The following ARHGAP35 variants were observed in gnomAD, a reference collection of about 807,000 sequenced individuals.
ARHGAP35 encodes rho GTPase-activating protein 35.
ARHGAP35 carries 15 observed loss-of-function variants against 111.1 expected under a neutral mutation model. The observed-to-expected ratio is 0.13, with a 90% CI of 0.09 to 0.21. ARHGAP35 has a LOEUF of 0.21. Ranked by LOEUF, ARHGAP35 falls within the 10% of genes least tolerant of loss-of-function variation. ARHGAP35 has a pLI of 1.00. For missense variants in ARHGAP35, 1,262 were observed against 1,873.0 expected (o/e 0.67, Z 6.02); for synonymous variants, 643 against 710.3 (o/e 0.91, Z 1.51).
rs766976771 is a variant in ARHGAP35 at position 46,919,751 on chromosome 19, A to G, written c.1076A>G (p.Asp359Gly). The G allele has an allele frequency of 1.2e-6, 2 of 1,614,006 alleles. No homozygotes were observed. Among genetic ancestry groups the G allele is most frequent in the Non-Finnish European group, 1.7e-6 (2 of 1,179,892 alleles). ...CTTATACCTAATCTAGATGAAATAG[A>G]CCACCTAAGCTGCATAAAAGCCAAA... Reference protein sequence around the residue: ...EALIPNLDEIDHLSCIKAKKL... With the variant: ...EALIPNLDEIGHLSCIKAKKL... Residue 359 changes from aspartate (D) to glycine (G), a missense_variant, in exon 2 of 7, where the codon GAC (aspartate) becomes GGC (glycine). By Grantham distance (94) the Asp-to-Gly change is moderately conservative. Coordinates refer to ENST00000672722, the MANE Select transcript of ARHGAP35 (RefSeq NM_004491.5). This position sits in a 1 kb window ranked among gnomAD's most constrained non-coding sequence, Gnocchi z 6.2.
At chr19:46,927,861 A>G (rs1270600227) in intron 2 of ARHGAP35, among the ~76,000 whole-genome samples, 2 of 152,116 alleles carry the variant, frequency 1.3e-5, no homozygotes, top group Admixed American at 6.5e-5. Flanking sequence ...GTGGATTTTC[A>G]TCATCCAGTC....
intron 1 of ARHGAP35, among the ~76,000 whole-genome samples, chr19:46,906,614 G>C (rs1187946292): frequency 2.0e-5 from 3 of 152,144 alleles, no homozygotes; most frequent in Non-Finnish European, 4.4e-5. Context: ...TAGAACAGAA[G>C]CTCCACTTTG....
rs972250427 is a variant in ARHGAP35, at chr19:47,000,830, C to T, written c.*142C>T. 21 of 1,540,706 alleles carry T rather than the reference C, an allele frequency of 1.4e-5. No individual in the cohort carries two copies. The highest frequency in any genetic ancestry group is 1.7e-4 in the Middle Eastern group (1 of 6,006). On this transcript the variant is annotated 3_prime_UTR_variant, in exon 7 of 7. Transcript: ENST00000672722. This position sits in a 1 kb window ranked among gnomAD's most constrained non-coding sequence, Gnocchi z 6.9. ...TACCTTCTCAAGACCTCAGTGGGAG[C>T]ACCAGCCAATGGTACCATCGGCTGG...
chr19:46,929,075 C>T (rs1217098006), intron 2 of ARHGAP35, among the ~76,000 whole-genome samples: 1 of 152,092 alleles, frequency 6.6e-6, no homozygotes, highest in African/African-American at 2.4e-5. Flanking sequence ...TAAAGATGCT[C>T]CAAGATGGTG....
chr19:47,000,618 C>T lies in ARHGAP35; in HGVS notation c.4430C>T (p.Pro1477Leu), dbSNP rs764995560. The T allele has an allele frequency of 6.2e-6, 10 of 1,611,752 alleles. No individual in the cohort carries two copies. The highest frequency in any genetic ancestry group is 8.5e-6 in the Non-Finnish European group (10 of 1,178,936). ...AGTCAGCCGTCGCCCCCACAGTCGCCTCCACCCACCCCCCAGTCCCCAATG... is the reference window on the plus strand; with the variant it reads ...AGTCAGCCGTCGCCCCCACAGTCGCTTCCACCCACCCCCCAGTCCCCAATG... ...VTSQPSPPQS[P>L]PPTPQSPMQP... Residue 1477 changes from proline to leucine, a missense_variant, in exon 7 of 7, where the codon CCT becomes CTT. Coordinates refer to ENST00000672722, the MANE Select transcript of ARHGAP35 (RefSeq NM_004491.5). This position sits in a 1 kb window ranked among gnomAD's most constrained non-coding sequence, Gnocchi z 6.9.
At chr19:46,896,202 C>T (rs114481190) in intron 1 of ARHGAP35, among the ~76,000 whole-genome samples, 1,927 of 152,144 alleles carry the variant, frequency 0.013, 43 homozygotes, top group African/African-American at 0.044. Context: ...CTCAGGAGTT[C>T]AGACCAGCCT....
chr19:46,879,390 C>T (rs2055945360), intron 1 of ARHGAP35, among the ~76,000 whole-genome samples: 1 of 151,918 alleles, frequency 6.6e-6, no homozygotes, highest in South Asian at 2.1e-4. Context: ...AGATAGAGAC[C>T]ATCCCGGCTA....
chr19:46,960,931 G>A (rs1401538252), intron 3 of ARHGAP35, among the ~76,000 whole-genome samples: 1 of 142,244 alleles, frequency 7.0e-6, no homozygotes, highest in Non-Finnish European at 1.5e-5. Flanking sequence ...TCTCACTCCT[G>A]TCCCCTAGGC....
chr19:47,003,426 G>T lies in ARHGAP35; in HGVS notation c.*2738G>T, dbSNP rs938454177. The stretch of plus-strand genomic sequence containing the variant: ...CCTGCCCAGCGAGAGCGCAGACACC[G>T]TGTGAGGGGACAGCAGCCCTTGGTG... On this transcript the variant is annotated 3_prime_UTR_variant, in exon 7 of 7. Transcript: ENST00000672722. The T allele has an allele frequency of 6.6e-6, 1 of 152,336 alleles. No homozygotes were observed. Among genetic ancestry groups the T allele is most frequent in the Non-Finnish European group, 1.5e-5 (1 of 68,118 alleles). 9.4% of individuals were successfully genotyped at this position (152,336 alleles called of 1,614,324 possible). A position where few individuals can be genotyped will look rare whatever the true frequency, so the allele number is the denominator to read the frequency against.
chr19:46,976,399 C>T lies in ARHGAP35; in HGVS notation c.3827-11590C>T, dbSNP rs576795836. 4.6e-5 allele frequency among the ~76,000 whole-genome samples: 7 copies of T among 152,298 alleles called. No homozygotes were observed. In the South Asian group the frequency reaches 1.2e-3, roughly 27 times the overall value. ...TTAGCTTGTGACTCGGCATTGCTAGCGGATTTCCTCAGGCCCCAGTGCCCT... is the reference window on the plus strand; with the variant it reads ...TTAGCTTGTGACTCGGCATTGCTAGTGGATTTCCTCAGGCCCCAGTGCCCT... On this transcript the variant is annotated intron_variant, in intron 3 of 6. Transcript: ENST00000672722.
intron 1 of ARHGAP35, among the ~76,000 whole-genome samples, chr19:46,890,544 G>A (rs1422533112): frequency 6.6e-6 from 1 of 152,204 alleles, no homozygotes; most frequent in Non-Finnish European, 1.5e-5. Context: ...ATAGTGTCAT[G>A]GCCAAAGTCA....
chr19:46,875,774 G>A (rs764277648), intron 1 of ARHGAP35, among the ~76,000 whole-genome samples: 7 of 152,132 alleles, frequency 4.6e-5, no homozygotes, highest in Non-Finnish European at 1.5e-5. Context: ...TGAGGGTGCT[G>A]CAAAGGCGGC....
At chr19:46,938,890 C>T (rs144890680) in intron 3 of ARHGAP35, among the ~76,000 whole-genome samples, 1 of 149,762 alleles carries the variant, frequency 6.7e-6, no homozygotes, top group African/African-American at 2.5e-5. Flanking sequence ...CTCCTGACCT[C>T]GTGATCCGCC....
chr19:46,969,510 G>A (rs2056533051), intron 3 of ARHGAP35, among the ~76,000 whole-genome samples: 1 of 152,104 alleles, frequency 6.6e-6, no homozygotes, highest in Admixed American at 6.6e-5. Flanking sequence ...ACTGCTTGAG[G>A]CACTGCTCCA....
chr19:46,981,926 T>C (rs563417904), intron 3 of ARHGAP35, among the ~76,000 whole-genome samples: 118 of 152,250 alleles, frequency 7.8e-4, no homozygotes, highest in Non-Finnish European at 1.4e-3. Flanking sequence ...TGGACATGGC[T>C]CACTGCAGCC....
intron 2 of ARHGAP35, among the ~76,000 whole-genome samples, chr19:46,927,546 C>G (rs553966486): frequency 6.6e-6 from 1 of 152,144 alleles, no homozygotes; most frequent in African/African-American, 2.4e-5. Flanking sequence ...AGAAGCTTAG[C>G]GTGGCTGCTC....
intron 1 of ARHGAP35, among the ~76,000 whole-genome samples, chr19:46,875,548 C>T (rs1367947559): frequency 2.6e-5 from 4 of 152,172 alleles, no homozygotes; most frequent in Admixed American, 1.3e-4. Context: ...TCATTTGCAT[C>T]TTACCAACTT....
intron 3 of ARHGAP35, among the ~76,000 whole-genome samples, chr19:46,967,952 C>T (rs1265358079): frequency 1.3e-5 from 2 of 152,222 alleles, no homozygotes; most frequent in Non-Finnish European, 2.9e-5. Flanking sequence ...ATGTCTGTCA[C>T]GCCCTGTGCT....
chr19:46,997,542 C>T (rs1286856158), intron 5 of ARHGAP35: 1 of 152,234 alleles, frequency 6.6e-6, no homozygotes, highest in Admixed American at 6.5e-5. Context: ...CTTTTACAGA[C>T]AAGGAGACTC....
Sources: gnomAD v4.1 joint callset for allele counts (sites outside exome capture counted in the v4.1 genomes callset) on GRCh38, gnomAD v4.1.1 for gene constraint, Gnocchi (gnomAD v3.1) non-coding constraint, MANE v1.5 for transcripts, NCBI Gene and HGNC (gene_info 2026-07-23, HGNC 2026-07-21) for gene names.